Variants in NR3C2 observed in about 807,000 individuals in gnomAD.
NR3C2 encodes mineralocorticoid receptor.
NR3C2 carries 15 observed loss-of-function variants against 86.4 expected under a neutral mutation model. The observed-to-expected ratio is 0.17, with a 90% CI of 0.12 to 0.27. The LOEUF is 0.27. Ranked by LOEUF, NR3C2 falls within the 10% of genes least tolerant of loss-of-function variation. The pLI, the probability that NR3C2 is intolerant of heterozygous loss-of-function variation, is 1.00. For synonymous variants in NR3C2, 458 were observed against 450.5 expected (o/e 1.02, Z -0.21); for missense variants, 960 against 1,195.6 (o/e 0.80, Z 2.91).
At chr4:148,409,385 A>G (rs1286156729) in intron 2 of NR3C2, among the ~76,000 whole-genome samples, 3 of 152,136 alleles carry the variant, frequency 2.0e-5, no homozygotes, top group African/African-American at 4.8e-5. Flanking sequence ...GCCATGAACT[A>G]TTCAGCACCT....
rs573918667 is a variant in NR3C2, at chr4:148,293,092, T to A, written c.1758-32975A>T. On this transcript the variant is annotated intron_variant, in intron 2 of 8. Transcript: ENST00000358102. ...TGAAAAATCTTGAAGTAAGAACATCTGAATGCATGGCAAGCATTTGTCTCT... is the reference window on the plus strand; with the variant it reads ...TGAAAAATCTTGAAGTAAGAACATCAGAATGCATGGCAAGCATTTGTCTCT... Among the ~76,000 whole-genome samples, 5 of 152,322 alleles carry A rather than the reference T, an allele frequency of 3.3e-5. No individual in the cohort carries two copies. In the South Asian group the frequency reaches 8.3e-4, roughly 25 times the overall value.
intron 2 of NR3C2, among the ~76,000 whole-genome samples, chr4:148,328,783 C>T (rs1744087835): frequency 6.6e-6 from 1 of 152,144 alleles, no homozygotes; most frequent in Non-Finnish European, 1.5e-5. Flanking sequence ...GCTGTGCTGG[C>T]TTAAAGAATT....
intron 2 of NR3C2, among the ~76,000 whole-genome samples, chr4:148,295,538 T>C (rs1218748243): frequency 6.7e-6 from 1 of 148,162 alleles, no homozygotes; most frequent in African/African-American, 2.5e-5. Context: ...TAGAATGTCT[T>C]CTTCTGCCAT....
chr4:148,131,136 A>G (rs1271194832), intron 6 of NR3C2, among the ~76,000 whole-genome samples: 1 of 152,056 alleles, frequency 6.6e-6, no homozygotes, highest in Non-Finnish European at 1.5e-5. Flanking sequence ...CCAGCCAAAC[A>G]TGTTTGTTAA....
intron 2 of NR3C2, among the ~76,000 whole-genome samples, chr4:148,316,218 T>C (rs550232905): frequency 9.2e-5 from 14 of 152,058 alleles, no homozygotes; most frequent in Admixed American, 3.9e-4. Context: ...TACACACACA[T>C]ACACACACAG....
chr4:148,265,477 T>C (rs1740335212), intron 2 of NR3C2, among the ~76,000 whole-genome samples: 1 of 152,200 alleles, frequency 6.6e-6, no homozygotes, highest in South Asian at 2.1e-4. Context: ...TTCCAGGAAT[T>C]ATCATATGTA....
chr4:148,286,335 C>G (rs1741517030), intron 2 of NR3C2, among the ~76,000 whole-genome samples: 1 of 152,010 alleles, frequency 6.6e-6, no homozygotes, highest in Admixed American at 6.6e-5. Context: ...TTGCTTCTGA[C>G]TGTATAGGCT....
intron 2 of NR3C2, among the ~76,000 whole-genome samples, chr4:148,265,873 C>G (rs1345229502): frequency 6.6e-6 from 1 of 152,052 alleles, no homozygotes; most frequent in Admixed American, 6.5e-5. Flanking sequence ...CCCCACTGTT[C>G]TAAGCACTGA....
chr4:148,163,468 C>A (rs563606665), intron 4 of NR3C2, among the ~76,000 whole-genome samples: 1 of 152,114 alleles, frequency 6.6e-6, no homozygotes, highest in Non-Finnish European at 1.5e-5. Context: ...TTCAGAAATA[C>A]GTTTCCAAAA....
chr4:148,215,686 G>T (rs143010169), intron 3 of NR3C2, among the ~76,000 whole-genome samples: 5 of 152,190 alleles, frequency 3.3e-5, no homozygotes, highest in African/African-American at 1.2e-4. Flanking sequence ...TTTGAGAAAG[G>T]TGACAATTAA....
At chr4:148,241,176 C>T (rs987152024) in intron 3 of NR3C2, among the ~76,000 whole-genome samples, 3 of 151,482 alleles carry the variant, frequency 2.0e-5, no homozygotes, top group African/African-American at 7.3e-5. Context: ...CATGGTGGCG[C>T]ACACCTGTAG....
At position 148,436,542 on chromosome 4, in the gene NR3C2, A is replaced by T; in HGVS notation, c.319T>A (p.Leu107Ile). The T allele has an allele frequency of 6.2e-7, 1 of 1,614,150 alleles. No individual in the cohort carries two copies. Residue 107 changes from leucine (L) to isoleucine (I), a missense_variant, in exon 2 of 9, where the codon TTA (leucine) becomes ATA (isoleucine). By Grantham distance (5) the Leu-to-Ile change is conservative (BLOSUM62 2). Transcript: ENST00000358102. ...GCATCTCTTACAGAATCCATATATA[A>T]ACCCATGGACTCAGCTACAGTTGCT... ...LSATVAESMGLYMDSVRDADY... is the reference protein window; with the variant it reads ...LSATVAESMGIYMDSVRDADY...
chr4:148,296,763 C>A (rs1459790415), intron 2 of NR3C2, among the ~76,000 whole-genome samples: 2 of 152,082 alleles, frequency 1.3e-5, no homozygotes, highest in Non-Finnish European at 2.9e-5. Context: ...AGCCTTAGAC[C>A]TAGTCTACCA....
intron 2 of NR3C2, among the ~76,000 whole-genome samples, chr4:148,363,646 G>A (rs775106464): frequency 5.3e-5 from 8 of 151,900 alleles, no homozygotes; most frequent in Non-Finnish European, 8.8e-5. Flanking sequence ...TGGGACTACA[G>A]GTGCCCACCA....
chr4:148,161,568 C>A (rs748104057), intron 4 of NR3C2, among the ~76,000 whole-genome samples: 9 of 152,096 alleles, frequency 5.9e-5, no homozygotes, highest in Non-Finnish European at 1.0e-4. Flanking sequence ...TTTGGCCAGG[C>A]TGGTCTTGAA....
At chr4:148,390,639 C>A (rs1449081446) in intron 2 of NR3C2, among the ~76,000 whole-genome samples, 1 of 152,144 alleles carries the variant, frequency 6.6e-6, no homozygotes, top group Non-Finnish European at 1.5e-5. Context: ...CAGAATTCAG[C>A]ACTGTATACA....
intron 2 of NR3C2, among the ~76,000 whole-genome samples, chr4:148,335,816 T>C (rs576758535): frequency 1.3e-5 from 2 of 151,942 alleles, no homozygotes; most frequent in Admixed American, 1.3e-4. Flanking sequence ...AAGAAAATCA[T>C]AGAGAAAAAT....
intron 4 of NR3C2, among the ~76,000 whole-genome samples, chr4:148,189,897 T>G (rs1240689936): frequency 6.6e-6 from 1 of 152,250 alleles, no homozygotes; most frequent in East Asian, 1.9e-4. Flanking sequence ...TCCTATTTTG[T>G]TCCTTAGTGA....
intron 2 of NR3C2, among the ~76,000 whole-genome samples, chr4:148,314,950 C>T (rs994099663): frequency 5.3e-5 from 8 of 152,058 alleles, no homozygotes; most frequent in Non-Finnish European, 1.0e-4. Flanking sequence ...ACATGTTCTA[C>T]GAACATTATA....
Sources: gnomAD v4.1 joint callset for allele counts (sites outside exome capture counted in the v4.1 genomes callset) on GRCh38, gnomAD v4.1.1 for gene constraint, MANE v1.5 for transcripts, NCBI Gene and HGNC (gene_info 2026-07-23, HGNC 2026-07-21) for gene names.